The following PARD3 variants were observed in gnomAD, a reference collection of about 807,000 sequenced individuals.
The protein encoded by PARD3 is par-3 family cell polarity regulator.
In PARD3, 75 loss-of-function variants were observed where a neutral mutation model predicts 155.4. That is an observed-to-expected ratio of 0.48 (90% CI 0.40 to 0.58). The LOEUF is 0.58. Among genes scored for constraint, PARD3 ranks in the 20% least tolerant of loss-of-function variants. The probability of loss-of-function intolerance (pLI) is 0.00; values close to 1 mark genes in which losing one functional copy is unlikely to be tolerated. For synonymous variants in PARD3, 576 were observed against 610.5 expected (o/e 0.94, Z 0.83); for missense variants, 1,642 against 1,721.7 (o/e 0.95, Z 0.82).
chr10:34,693,507 A>C (rs916507351), intron 2 of PARD3, among the ~76,000 whole-genome samples: 1 of 152,188 alleles, frequency 6.6e-6, no homozygotes, highest in African/African-American at 2.4e-5. Context: ...GGAAGAGAAA[A>C]CCAAATAATG....
chr10:34,699,517 AT>A (rs2094234968), intron 1 of PARD3, among the ~76,000 whole-genome samples: 2 of 152,110 alleles, frequency 1.3e-5, no homozygotes, highest in African/African-American at 4.8e-5. Flanking sequence ...GACTTGCTTT[AT>A]TTTCAAGGGA....
rs61735572 is a variant in PARD3 at position 34,331,141 on chromosome 10, C to A, written c.2809G>T (p.Asp937Tyr). The A allele has an allele frequency of 3.1e-6, 5 of 1,613,762 alleles. No individual in the cohort carries two copies. Among genetic ancestry groups the A allele is most frequent in the Admixed American group, 3.3e-5 (2 of 60,004 alleles). Residue 937 changes from aspartate (D) to tyrosine (Y), a missense_variant, in exon 19 of 25, where the codon GAT (aspartate) becomes TAT (tyrosine). Coordinates refer to ENST00000374788, the MANE Select transcript of PARD3 (RefSeq NM_001184785.2). ...CAGGTCTCCATGCCTTCATCATCAT[C>A]ATCTACCGCGGGTTTATCATAAGAT... ...DKSYDKPAVDDDDEGMETLEE... is the reference protein window; with the variant it reads ...DKSYDKPAVDYDDEGMETLEE...
At chr10:34,759,251 T>A (rs1054598097) in intron 1 of PARD3, among the ~76,000 whole-genome samples, 8 of 152,022 alleles carry the variant, frequency 5.3e-5, no homozygotes, top group African/African-American at 1.9e-4. Context: ...GAACAGGGTA[T>A]GCAACGGATT....
intron 2 of PARD3, among the ~76,000 whole-genome samples, chr10:34,551,373 C>A (rs1016925954): frequency 3.9e-5 from 6 of 152,286 alleles, no homozygotes; most frequent in Middle Eastern, 3.4e-3. Context: ...AACTTAAAGT[C>A]ATATACAACA....
chr10:34,180,739 A>C (rs935459132), intron 22 of PARD3, among the ~76,000 whole-genome samples: 2 of 152,162 alleles, frequency 1.3e-5, no homozygotes, highest in African/African-American at 4.8e-5. Context: ...TGGAAAATCT[A>C]AATCAATGGG....
At chr10:34,140,205 A>G (rs1258137272) in intron 22 of PARD3, among the ~76,000 whole-genome samples, 1 of 152,180 alleles carries the variant, frequency 6.6e-6, no homozygotes, top group Non-Finnish European at 1.5e-5. Context: ...GCAGAGAGAC[A>G]TGGTCAGGAT....
chr10:34,144,620 T>A (rs1564428995), intron 22 of PARD3, among the ~76,000 whole-genome samples: 1 of 152,216 alleles, frequency 6.6e-6, no homozygotes, highest in African/African-American at 2.4e-5. Context: ...TATATTTATA[T>A]CACTATCTCC....
intron 1 of PARD3, among the ~76,000 whole-genome samples, chr10:34,754,198 A>T (rs1836418021): frequency 6.6e-6 from 1 of 152,090 alleles, no homozygotes; most frequent in East Asian, 1.9e-4. Flanking sequence ...TAGAGATGGG[A>T]TCTTGCTATG....
At chr10:34,648,098 G>C (rs1200730035) in intron 2 of PARD3, among the ~76,000 whole-genome samples, 2 of 152,164 alleles carry the variant, frequency 1.3e-5, no homozygotes, top group African/African-American at 4.8e-5. Context: ...TCGCCATGCG[G>C]CCTGCACATG....
chr10:34,719,319 A>G (rs911754186), intron 1 of PARD3, among the ~76,000 whole-genome samples: 1 of 152,230 alleles, frequency 6.6e-6, no homozygotes, highest in Non-Finnish European at 1.5e-5. Flanking sequence ...GAAAAAAAGC[A>G]TTTCAAAAGG....
chr10:34,559,256 G>A (rs1196904355), intron 2 of PARD3, among the ~76,000 whole-genome samples: 2 of 152,080 alleles, frequency 1.3e-5, no homozygotes, highest in Non-Finnish European at 2.9e-5. Context: ...ATTGATCCAA[G>A]ATTCAAAGGC....
At chr10:34,258,125 C>A (rs1209714689) in intron 22 of PARD3, among the ~76,000 whole-genome samples, 1 of 152,182 alleles carries the variant, frequency 6.6e-6, no homozygotes, top group Non-Finnish European at 1.5e-5. Flanking sequence ...GTCTTACAGG[C>A]CCGTAAACAC....
chr10:34,605,265 TC>T (rs1283826663), intron 2 of PARD3, among the ~76,000 whole-genome samples: 1 of 128,474 alleles, frequency 7.8e-6, no homozygotes, highest in Non-Finnish European at 1.6e-5. Context: ...CAATCTCAGC[TC>T]ACTGCAAGCT....
intron 22 of PARD3, among the ~76,000 whole-genome samples, chr10:34,184,088 G>A (rs640308): frequency 0.19 from 28,592 of 152,154 alleles, 3,610 homozygotes; most frequent in Non-Finnish European, 0.26. Flanking sequence ...GAAGTGCTAG[G>A]ATTACAGGTG....
At chr10:34,550,903 A>G (rs769337382) in intron 2 of PARD3, among the ~76,000 whole-genome samples, 7 of 152,208 alleles carry the variant, frequency 4.6e-5, no homozygotes, top group Non-Finnish European at 1.0e-4. Context: ...AACATCACAG[A>G]TACAGTGTTT....
chr10:34,209,928 T>C (rs555460582), intron 22 of PARD3, among the ~76,000 whole-genome samples: 2 of 152,336 alleles, frequency 1.3e-5, no homozygotes, highest in African/African-American at 4.8e-5. Context: ...AATATTTATA[T>C]GTAAAGTTAA....
chr10:34,548,252 G>T (rs1186224055), intron 2 of PARD3, among the ~76,000 whole-genome samples: 1 of 152,270 alleles, frequency 6.6e-6, no homozygotes, highest in East Asian at 1.9e-4. Context: ...ACATTGGGAG[G>T]CTGAGGCAGG....
intron 2 of PARD3, among the ~76,000 whole-genome samples, chr10:34,562,307 T>C (rs1399431983): frequency 6.6e-6 from 1 of 151,656 alleles, no homozygotes; most frequent in Non-Finnish European, 1.5e-5. Flanking sequence ...CGTGGTGGCA[T>C]GTGCCTGTAA....
At position 34,231,446 on chromosome 10, in the gene PARD3, G is replaced by A. The variant is rs375103770; in HGVS notation, c.3419+38211C>T. On this transcript the variant is annotated intron_variant, in intron 22 of 24. Coordinates refer to ENST00000374788, the MANE Select transcript of PARD3 (RefSeq NM_001184785.2). ...CTGTCTATGGCATATTCCAAACCTC[G>A]ACATTCAAAGTGGCAGCTGTGGCTT... 1.3e-4 allele frequency among the ~76,000 whole-genome samples: 19 copies of A among 151,846 alleles called. No homozygotes were observed. The East Asian group carries it at 2.1e-3, about 17-fold the overall frequency.
Sources: allele counts gnomAD v4.1 joint callset (sites outside exome capture counted in the v4.1 genomes callset), GRCh38; gene constraint gnomAD v4.1.1; transcripts MANE v1.5; gene names NCBI Gene and HGNC (gene_info 2026-07-23, HGNC 2026-07-21).